Variants in SH2B1 observed in about 807,000 individuals in gnomAD.
SH2B1 encodes the protein SH2B adapter protein 1.
SH2B1 carries 15 observed loss-of-function variants against 62.6 expected under a neutral mutation model. The ratio of observed to expected loss-of-function variants is 0.24; its 90% CI spans 0.16 to 0.37. The LOEUF (loss-of-function observed/expected upper bound fraction) is 0.37, where lower values mean the gene tolerates loss of function less well. SH2B1 is among the 10% of genes least tolerant of loss of function. SH2B1 has a pLI of 1.00. For synonymous variants in SH2B1, 443 were observed against 438.0 expected (o/e 1.01, Z -0.14); for missense variants, 925 against 1,015.6 (o/e 0.91, Z 1.21).
At chr16:28,867,551 T>A in intron 2 of SH2B1, 119 bp downstream of exon 2, 1 of 745,926 alleles carries the variant, frequency 1.3e-6, no homozygotes, top group Non-Finnish European at 2.4e-6. Flanking sequence ...GCCTTGAGAG[T>A]GTGTCCCTGG....
chr16:28,846,999 C>T (rs1162169456), intron 1 of SH2B1, among the ~76,000 whole-genome samples: 2 of 152,178 alleles, frequency 1.3e-5, no homozygotes, highest in Non-Finnish European at 1.5e-5. Context: ...CAGTGTTGGG[C>T]CCTGTGAGGT....
rs763966990 is a variant in SH2B1, at chr16:28,869,210, C to T, written c.1136C>T (p.Pro379Leu). The change falls in exon 4 of 8, where the codon CCC becomes CTC. Residue 379 changes from proline to leucine, a missense_variant and splice_region_variant. This residue lies in a region of SH2B1 where 683 missense variants were observed against 704.0 expected (regional missense o/e 0.97). Transcript: ENST00000684370. Reference sequence around the variant, plus strand: ...CACCATCTTCCCTGTCTCTGCAGACCCTGCCCTGCTACCAGTCCCCGCCCC... The same window carrying T: ...CACCATCTTCCCTGTCTCTGCAGACTCTGCCCTGCTACCAGTCCCCGCCCC... Reference protein sequence around the residue: ...SDIQECLSPGPCPATSPRPMT... With the variant: ...SDIQECLSPGLCPATSPRPMT... 2 of 1,614,066 alleles carry T rather than the reference C, an allele frequency of 1.2e-6. No individual in the cohort carries two copies. Among genetic ancestry groups the T allele is most frequent in the Non-Finnish European group, 1.7e-6 (2 of 1,179,974 alleles).
At chr16:28,853,273 CACT>C (rs1962249331) in intron 1 of SH2B1, among the ~76,000 whole-genome samples, 1 of 146,806 alleles carries the variant, frequency 6.8e-6, no homozygotes, top group Non-Finnish European at 1.5e-5. Context: ...ATTGGCTGGG[CACT>C]GCAACCTGCA....
At position 28,864,775 on chromosome 16, in the gene SH2B1, C is replaced by T. The variant is rs1363168166; in HGVS notation, c.-1320C>T. ...GTTGTAAGACCTTGAGAGGGCTCCT[C>T]CTTTCTCTAATTTCTATTTTAGAAA... On this transcript the variant is annotated 5_prime_UTR_variant, in exon 1 of 8. Coordinates refer to ENST00000684370, the MANE Select transcript of SH2B1 (RefSeq NM_001387430.1). 4.1e-6 allele frequency: 2 copies of T among 493,574 alleles called. No individual in the cohort carries two copies. Among genetic ancestry groups the T allele is most frequent in the South Asian group, 8.8e-5 (1 of 11,368 alleles). The allele number at this position is 493,574 out of a possible 1,614,324, so 30.6% of individuals were successfully genotyped here. A position where few individuals can be genotyped will look rare whatever the true frequency, so the allele number is the denominator to read the frequency against.
upstream of SH2B1, chr16:28,862,809 G>A (rs1268153923): frequency 1.4e-5 from 2 of 146,496 alleles, no homozygotes; most frequent in Non-Finnish European, 3.0e-5. Flanking sequence ...GTACAGACGG[G>A]GTTTCACCAT....
chr16:28,867,530 A>C, intron 2 of SH2B1, 98 bp downstream of exon 2: 1 of 861,776 alleles, frequency 1.2e-6, no homozygotes. Flanking sequence ...AGGTATATAT[A>C]TGTGTCCAGT....
chr16:28,863,520 T>A (rs1445914148), upstream of SH2B1: 6 of 654,846 alleles, frequency 9.2e-6, no homozygotes, highest in Non-Finnish European at 1.5e-5. Context: ...GCTCGGCGGC[T>A]ACTCTAGCCC....
intron 2 of SH2B1, 139 bp from the exon 3 acceptor site, chr16:28,868,867 T>TGA: frequency 2.8e-6 from 2 of 702,786 alleles, no homozygotes; most frequent in Non-Finnish European, 5.1e-6. Context: ...ATTACAGGTG[T>TGA]GAGCCTCTGT....
At chr16:28,869,601 T>TA (rs1045371048) in intron 4 of SH2B1, among the ~76,000 whole-genome samples, 1 of 152,182 alleles carries the variant, frequency 6.6e-6, no homozygotes, top group Non-Finnish European at 1.5e-5. Flanking sequence ...AAGCAAACCT[T>TA]AGCCAGGCTT....
At chr16:28,852,377 CATATATTTATATATATACAT>C (rs1184050727) in intron 1 of SH2B1, among the ~76,000 whole-genome samples, 1 of 36,904 alleles carries the variant, frequency 2.7e-5, no homozygotes, top group Admixed American at 5.0e-4. Flanking sequence ...TATATATTTA[CATATATTTATATATATACAT>C]ATATATTTAC....
At position 28,864,279 on chromosome 16, in the gene SH2B1, A is replaced by G. The variant is rs1474865162; in HGVS notation, c.-1816A>G. ...AGCCAGGAGGCAGGTGCACCGGGAA[A>G]ATGTGTCTGAGTCCTGCTTGGCAGA... On this transcript the variant is annotated 5_prime_UTR_variant, in exon 1 of 8. Coordinates refer to ENST00000684370, the MANE Select transcript of SH2B1 (RefSeq NM_001387430.1). 5 of 1,001,458 alleles carry G rather than the reference A, an allele frequency of 5.0e-6. No individual in the cohort carries two copies. In the African/African-American group the frequency reaches 8.7e-5, roughly 17 times the overall value. 62.0% of individuals were successfully genotyped at this position (1,001,458 alleles called of 1,614,324 possible).
intron 1 of SH2B1, among the ~76,000 whole-genome samples, chr16:28,849,846 C>T (rs554520870): frequency 1.3e-5 from 2 of 152,232 alleles, no homozygotes; most frequent in South Asian, 4.2e-4. Flanking sequence ...TCGCTTGAAC[C>T]CAGGAGGCGG....
Position 28,864,135 on chromosome 16 carries a change from G to T in SH2B1, c.-1960G>T, listed in dbSNP as rs1051714494. ...ATGCGGCCCCGGAAAATGGGCGGCT[G>T]GGGGGTGTCCAGGGAGTAGGGTCGG... is the stretch of plus-strand genomic sequence containing the variant. On this transcript the variant is annotated 5_prime_UTR_variant, in exon 1 of 8. Coordinates refer to ENST00000684370, the MANE Select transcript of SH2B1 (RefSeq NM_001387430.1). 1.7e-6 allele frequency: 2 copies of T among 1,190,342 alleles called. No individual in the cohort carries two copies. Among genetic ancestry groups the T allele is most frequent in the Admixed American group, 8.2e-5 (2 of 24,306 alleles). 73.7% of individuals were successfully genotyped at this position (1,190,342 alleles called of 1,614,324 possible). A position where few individuals can be genotyped will look rare whatever the true frequency, so the allele number is the denominator to read the frequency against.
rs539782559 is a variant in SH2B1, at chr16:28,853,912, A to G, written c.-301+7085A>G. ...GCTACTCGGGAGGCTGAGACAGGAG[A>G]ATGGCGTAAAACCCGGGAGGTGGAG... On this transcript the variant is annotated intron_variant, in intron 1 of 10. Transcript: ENST00000322610. Among the ~76,000 whole-genome samples the G allele has an allele frequency of 4.0e-5, 6 of 149,174 alleles. No homozygotes were observed. In the South Asian group the frequency reaches 1.3e-3, roughly 32 times the overall value.
At chr16:28,846,923 A>C (rs1055863919) in intron 1 of SH2B1, 1 of 153,992 alleles carries the variant, frequency 6.5e-6, no homozygotes, top group Non-Finnish European at 1.4e-5. Context: ...AAATGGGAAT[A>C]GTAGTATCCA....
chr16:28,852,009 G>A (rs1962108951), intron 1 of SH2B1, among the ~76,000 whole-genome samples: 1 of 149,342 alleles, frequency 6.7e-6, no homozygotes, highest in South Asian at 2.1e-4. Context: ...GGAGGTTGCA[G>A]TGAGCCGAGA....
intron 1 of SH2B1, among the ~76,000 whole-genome samples, chr16:28,846,995 TG>T (rs927432306): frequency 6.6e-6 from 1 of 152,198 alleles, no homozygotes; most frequent in Non-Finnish European, 1.5e-5. Flanking sequence ...GAGTCAGTGT[TG>T]GGCCCTGTGA....
chr16:28,866,192 A>G lies in SH2B1; in HGVS notation c.98A>G (p.His33Arg), dbSNP rs1406352602. Residue 33 changes from histidine (H) to arginine (R), a missense_variant, in exon 1 of 8, where the codon CAC (histidine) becomes CGC (arginine). Coordinates refer to ENST00000684370, the MANE Select transcript of SH2B1 (RefSeq NM_001387430.1). The surrounding 1 kb of genome is among the most constrained non-coding windows in gnomAD (Gnocchi z 6.3). Reference protein sequence around the residue: ...PPSWREFCESHARAAALDFAR... With the variant: ...PPSWREFCESRARAAALDFAR... ...AGTTGGCGGGAGTTCTGTGAGTCCC[A>G]CGCCCGGGCTGCGGCTCTGGACTTT... 1 of 1,519,488 alleles carries G rather than the reference A, an allele frequency of 6.6e-7. No individual in the cohort carries two copies. Among genetic ancestry groups the G allele is most frequent in the Non-Finnish European group, 8.8e-7 (1 of 1,133,046 alleles). The allele number at this position is 1,519,488 out of a possible 1,614,324, so 94.1% of individuals were successfully genotyped here.
chr16:28,855,667 T>C (rs1325069366), intron 1 of SH2B1, among the ~76,000 whole-genome samples: 1 of 144,046 alleles, frequency 6.9e-6, no homozygotes, highest in Non-Finnish European at 1.5e-5. Flanking sequence ...TGAGACAGAG[T>C]CTTGTTCTGT....
Sources: gnomAD v4.1 joint callset for allele counts (sites outside exome capture counted in the v4.1 genomes callset) on GRCh38, gnomAD v4.1.1 for gene constraint, gnomAD v4.1.1 regional missense constraint, Gnocchi (gnomAD v3.1) non-coding constraint, MANE v1.5 for transcripts, NCBI Gene and HGNC (gene_info 2026-07-23, HGNC 2026-07-21) for gene names.